The following NSD1 variants were observed in gnomAD, a reference collection of about 807,000 sequenced individuals.
The protein encoded by NSD1 is nuclear receptor binding SET domain protein 1, also known as histone-lysine N-methyltransferase, H3 lysine-36 specific.
NSD1 carries 26 observed loss-of-function variants against 242.7 expected under a neutral mutation model. The ratio of observed to expected loss-of-function variants is 0.11; its 90% CI spans 0.08 to 0.15. NSD1 has a LOEUF of 0.15. Among genes scored for constraint, NSD1 ranks in the 10% least tolerant of loss-of-function variants. The pLI is 1.00. For synonymous variants in NSD1, 1,106 were observed against 1,178.1 expected (o/e 0.94, Z 1.25); for missense variants, 2,495 against 3,272.8 (o/e 0.76, Z 5.80).
rs1022682834 is a variant in NSD1, at chr5:177,298,205, G to T, written c.*2746G>T. 4.3e-6 allele frequency: 1 copy of T among 233,214 alleles called. No homozygotes were observed. Among genetic ancestry groups the T allele is most frequent in the Non-Finnish European group, 8.5e-6 (1 of 118,040 alleles). The allele number at this position is 233,214 out of a possible 1,614,324, so 14.4% of individuals were successfully genotyped here. A position where few individuals can be genotyped will look rare whatever the true frequency, so the allele number is the denominator to read the frequency against. ...TTGTAATAAGACCCCTTTTCCAAAGGGATGTGAATTGGAGTGAAAAGGAAA... is the reference window on the plus strand; with the variant it reads ...TTGTAATAAGACCCCTTTTCCAAAGTGATGTGAATTGGAGTGAAAAGGAAA... On this transcript the variant is annotated 3_prime_UTR_variant, in exon 23 of 23. Transcript: ENST00000439151.
At chr5:177,290,638 A>AC (rs143507990) in intron 21 of NSD1, among the ~76,000 whole-genome samples, 11,977 of 151,724 alleles carry the variant, frequency 0.079, 986 homozygotes, top group African/African-American at 0.21. Flanking sequence ...CAAACTCCTG[A>AC]CCTCAGGTGA....
intron 2 of NSD1, among the ~76,000 whole-genome samples, chr5:177,146,100 G>T (rs978868829): frequency 7.3e-5 from 11 of 150,940 alleles, no homozygotes; most frequent in African/African-American, 2.7e-4. Context: ...AAAGAATACA[G>T]AGAGGTCCCT....
chr5:177,228,992 G>T (rs1217820195), intron 5 of NSD1, among the ~76,000 whole-genome samples: 2 of 151,692 alleles, frequency 1.3e-5, no homozygotes, highest in Non-Finnish European at 2.9e-5. Context: ...CTGTAGATTT[G>T]CCTTTTCCCT....
At chr5:177,212,257 C>T (rs2149850061) in intron 5 of NSD1, 62 bp downstream of exon 5, 1 of 1,532,934 alleles carries the variant, frequency 6.5e-7, no homozygotes. Context: ...AAACATTGTC[C>T]TTCTGAAATT....
chr5:177,217,935 A>G (rs1395103822), intron 5 of NSD1, among the ~76,000 whole-genome samples: 2 of 151,540 alleles, frequency 1.3e-5, no homozygotes, highest in African/African-American at 4.9e-5. Flanking sequence ...CCCAAAGTGT[A>G]GACAGGGTCA....
chr5:177,136,078 A>T, intron 2 of NSD1, 48 bp downstream of exon 2: 1 of 1,451,580 alleles, frequency 6.9e-7, no homozygotes, highest in Non-Finnish European at 9.6e-7. Flanking sequence ...ATGTATATAT[A>T]CAGGCCACTT....
chr5:177,171,164 C>G (rs1300307540), intron 2 of NSD1, among the ~76,000 whole-genome samples: 1 of 151,768 alleles, frequency 6.6e-6, no homozygotes, highest in African/African-American at 2.4e-5. Flanking sequence ...AATAAAAATA[C>G]AAAAATTAGT....
intron 22 of NSD1, among the ~76,000 whole-genome samples, chr5:177,292,727 C>G: frequency 6.6e-6 from 1 of 152,172 alleles, no homozygotes; most frequent in African/African-American, 2.4e-5. Flanking sequence ...TCAGTTAATA[C>G]ATGAGAAAGC....
intron 2 of NSD1, among the ~76,000 whole-genome samples, chr5:177,152,355 A>ATGTT (rs1757793507): frequency 6.7e-6 from 1 of 149,518 alleles, no homozygotes; most frequent in Non-Finnish European, 1.5e-5. Context: ...GTATGTATGT[A>ATGTT]TGTATGTTTG....
chr5:177,133,434 C>G (rs1466324241), upstream of NSD1, among the ~76,000 whole-genome samples: 1 of 151,856 alleles, frequency 6.6e-6, no homozygotes, highest in African/African-American at 2.4e-5. This position sits in a 1 kb window ranked among gnomAD's most constrained non-coding sequence, Gnocchi z 6.2. Context: ...CCACCCACGA[C>G]GCCCGCAGGC....
chr5:177,200,360 C>G (rs563048187), intron 3 of NSD1, among the ~76,000 whole-genome samples: 2 of 152,250 alleles, frequency 1.3e-5, no homozygotes, highest in East Asian at 1.9e-4. Flanking sequence ...CCTCCCGCCT[C>G]GGCCTCCCAA....
intron 6 of NSD1, among the ~76,000 whole-genome samples, chr5:177,237,035 G>A (rs1010786324): frequency 2.0e-5 from 3 of 152,034 alleles, no homozygotes; most frequent in African/African-American, 7.2e-5. Context: ...TAGAGGCGGT[G>A]TCCCACTATG....
chr5:177,234,533 C>T (rs972163580), intron 5 of NSD1, among the ~76,000 whole-genome samples: 4 of 152,032 alleles, frequency 2.6e-5, no homozygotes, highest in African/African-American at 9.7e-5. Flanking sequence ...CCTGGCCAAC[C>T]CGGTGAAATG....
chr5:177,164,880 T>G (rs1414771618), intron 2 of NSD1, among the ~76,000 whole-genome samples: 2 of 150,828 alleles, frequency 1.3e-5, no homozygotes, highest in Admixed American at 1.3e-4. Flanking sequence ...GAGGTGGAGG[T>G]TACAGTGAGC....
At chr5:177,218,881 T>G (rs1764014089) in intron 5 of NSD1, among the ~76,000 whole-genome samples, 1 of 151,706 alleles carries the variant, frequency 6.6e-6, no homozygotes, top group Non-Finnish European at 1.5e-5. Flanking sequence ...CCCTTTTTTT[T>G]TTCTCCAGCT....
intron 2 of NSD1, among the ~76,000 whole-genome samples, chr5:177,169,895 A>T (rs1239802225): frequency 1.3e-5 from 2 of 152,124 alleles, no homozygotes; most frequent in East Asian, 3.8e-4. Context: ...TTATCATGAA[A>T]AGGTATTAGA....
At chr5:177,185,653 C>A in intron 2 of NSD1, among the ~76,000 whole-genome samples, 2 of 120,696 alleles carry the variant, frequency 1.7e-5, no homozygotes, top group Non-Finnish European at 1.6e-5. Flanking sequence ...GAGACAGAGA[C>A]CAAATATATA....
At chr5:177,275,851 A>G (rs560602252) in intron 17 of NSD1, among the ~76,000 whole-genome samples, 1 of 152,344 alleles carries the variant, frequency 6.6e-6, no homozygotes, top group East Asian at 1.9e-4. Context: ...TAAGAACACT[A>G]AAATTCCATA....
chr5:177,194,158 GTCA>G (rs1401757995), intron 3 of NSD1, among the ~76,000 whole-genome samples: 2 of 151,940 alleles, frequency 1.3e-5, no homozygotes, highest in African/African-American at 4.8e-5. Flanking sequence ...ATACTTCTTA[GTCA>G]TCTTCCACGT....
Sources: gnomAD v4.1 joint callset for allele counts (sites outside exome capture counted in the v4.1 genomes callset) on GRCh38, gnomAD v4.1.1 for gene constraint, Gnocchi (gnomAD v3.1) non-coding constraint, MANE v1.5 for transcripts, NCBI Gene and HGNC (gene_info 2026-07-23, HGNC 2026-07-21) for gene names.